CYP4X1: variants seen among roughly 807,000 people sequenced by gnomAD.
CYP4X1 encodes cytochrome P450 4X1.
CYP4X1 carries 44 observed loss-of-function variants against 57.9 expected under a neutral mutation model. The ratio of observed to expected loss-of-function variants is 0.76; its 90% CI spans 0.60 to 0.98. CYP4X1 has a LOEUF of 0.98. CYP4X1 is among the 50% of genes least tolerant of loss of function. The probability of loss-of-function intolerance (pLI) is 0.00; values close to 1 mark genes in which losing one functional copy is unlikely to be tolerated. For missense variants in CYP4X1, 532 were observed against 623.9 expected, an observed-to-expected ratio of 0.85 and a Z score of 1.57; for synonymous variants, 227 against 228.6, an observed-to-expected ratio of 0.99 and a Z score of 0.06.
chr1:46,996,871 A>AT, the CYP4X1 span, among the ~76,000 whole-genome samples: 1 of 152,226 alleles, frequency 6.6e-6, no homozygotes, highest in Non-Finnish European at 1.5e-5. Context: ...TTACATCACC[A>AT]TCCTGAAGAG....
chr1:47,005,654 G>C, the CYP4X1 span, among the ~76,000 whole-genome samples: 3 of 152,182 alleles, frequency 2.0e-5, no homozygotes, highest in African/African-American at 7.2e-5. Flanking sequence ...AAATGATTAA[G>C]TGTAAGCAAT....
the CYP4X1 span, among the ~76,000 whole-genome samples, chr1:46,966,749 T>C: frequency 2.0e-5 from 3 of 152,164 alleles, no homozygotes; most frequent in Non-Finnish European, 2.9e-5. Flanking sequence ...CAATTAACAT[T>C]AGATATATTA....
chr1:46,996,629 C>T, the CYP4X1 span, among the ~76,000 whole-genome samples: 1 of 152,172 alleles, frequency 6.6e-6, no homozygotes, highest in Non-Finnish European at 1.5e-5. Context: ...GAGCTTCCAT[C>T]TTAGAAAATT....
chr1:47,043,385 T>A (rs1644268147), intron 8 of CYP4X1, among the ~76,000 whole-genome samples: 1 of 152,204 alleles, frequency 6.6e-6, no homozygotes, highest in Admixed American at 6.5e-5. Context: ...TTGTGAAGAT[T>A]TTCTCCCACT....
chr1:47,007,229 T>C, the CYP4X1 span, among the ~76,000 whole-genome samples: 1 of 152,010 alleles, frequency 6.6e-6, no homozygotes, highest in African/African-American at 2.4e-5. Flanking sequence ...TGAGACAAAA[T>C]TTCCAGGCAA....
At chr1:47,035,777 A>T in intron 4 of CYP4X1, 29 bp from the exon 5 acceptor site, 1 of 1,599,088 alleles carries the variant, frequency 6.3e-7, no homozygotes, top group African/African-American at 1.3e-5. Context: ...GGTGGTGGTG[A>T]TGATGTTGGT....
chr1:46,983,925 C>A, the CYP4X1 span, among the ~76,000 whole-genome samples: 1 of 152,102 alleles, frequency 6.6e-6, no homozygotes, highest in African/African-American at 2.4e-5. Context: ...TCTGTTCACC[C>A]CTCAGCATCA....
the CYP4X1 span, among the ~76,000 whole-genome samples, chr1:46,970,834 A>G: frequency 5.2e-3 from 790 of 152,238 alleles, 12 homozygotes; most frequent in East Asian, 0.054. Flanking sequence ...CAGTTTTCCT[A>G]ATTTTCCTTA....
chr1:47,024,131 C>T, intron 1 of CYP4X1, 137 bp downstream of exon 1: 2 of 1,049,930 alleles, frequency 1.9e-6, no homozygotes, highest in Non-Finnish European at 2.7e-6. Flanking sequence ...TCCAGCCCGG[C>T]CTGTGGCTCT....
chr1:46,978,508 G>T, the CYP4X1 span, among the ~76,000 whole-genome samples: 1 of 152,056 alleles, frequency 6.6e-6, no homozygotes, highest in Non-Finnish European at 1.5e-5. Flanking sequence ...AAGAGACTTA[G>T]ACTCCCACAC....
chr1:47,037,292 T>C lies in CYP4X1; in HGVS notation c.775+1121T>C, dbSNP rs1644194978. Among the ~76,000 whole-genome samples, 3 of 149,172 alleles carry C rather than the reference T, an allele frequency of 2.0e-5. No homozygotes were observed. The South Asian group carries it at 6.5e-4, about 32-fold the overall frequency. On this transcript the variant is annotated intron_variant, in intron 6 of 11. Transcript: ENST00000371901. The stretch of plus-strand genomic sequence containing the variant: ...TTTCAATTTTTTTTTTTTTTTTTTT[T>C]TGAGATGGAGTCTCTATCACTCAGG...
chr1:47,007,742 C>T, the CYP4X1 span, among the ~76,000 whole-genome samples: 14 of 152,258 alleles, frequency 9.2e-5, no homozygotes, highest in South Asian at 6.2e-4. Flanking sequence ...AAGGACCTGA[C>T]GGAGCCGAAA....
intron 8 of CYP4X1, chr1:47,039,764 C>G (rs537618031): frequency 6.0e-6 from 2 of 333,546 alleles, no homozygotes; most frequent in East Asian, 9.8e-5. Context: ...GTTTTCTAAT[C>G]AATGGTGTGT....
upstream of CYP4X1, among the ~76,000 whole-genome samples, chr1:47,021,142 CAAAAAA>C (rs546594827): frequency 6.1e-4 from 29 of 47,460 alleles, no homozygotes; most frequent in African/African-American, 2.0e-3. Context: ...GCAGGAATGC[CAAAAAA>C]AAAAAAAAAA....
At chr1:47,035,765 A>T in intron 4 of CYP4X1, 41 bp from the exon 5 acceptor site, 1 of 1,585,306 alleles carries the variant, frequency 6.3e-7, no homozygotes, top group Non-Finnish European at 8.6e-7. Context: ...CAATTTGGTC[A>T]TGGTGGTGGT....
chr1:47,033,453 A>C (rs1018162373), intron 4 of CYP4X1, 85 bp downstream of exon 4: 11 of 1,514,018 alleles, frequency 7.3e-6, no homozygotes, highest in Admixed American at 4.4e-5. Flanking sequence ...TGGGCCATGA[A>C]AATAAAAAAT....
chr1:47,008,035 A>G, the CYP4X1 span, among the ~76,000 whole-genome samples: 1 of 152,226 alleles, frequency 6.6e-6, no homozygotes, highest in East Asian at 1.9e-4. Flanking sequence ...CCAATCTAGC[A>G]AGGCAGGCCA....
the CYP4X1 span, among the ~76,000 whole-genome samples, chr1:46,981,070 G>A: frequency 6.6e-6 from 1 of 152,074 alleles, no homozygotes; most frequent in East Asian, 1.9e-4. Flanking sequence ...ACATAGGCAC[G>A]GGTAAGGACT....
At chr1:46,993,243 C>A in the CYP4X1 span, among the ~76,000 whole-genome samples, 5 of 151,992 alleles carry the variant, frequency 3.3e-5, no homozygotes, top group African/African-American at 9.7e-5. Context: ...TCATCCATGT[C>A]CCTACAAAGG....
Sources: gnomAD v4.1 joint callset for allele counts (sites outside exome capture counted in the v4.1 genomes callset) on GRCh38, gnomAD v4.1.1 for gene constraint, MANE v1.5 for transcripts, NCBI Gene and HGNC (gene_info 2026-07-23, HGNC 2026-07-21) for gene names.